RNF213: variants seen among roughly 807,000 people sequenced by gnomAD.
RNF213 encodes the protein E3 ubiquitin-protein ligase RNF213.
A neutral mutation model predicts 514.4 loss-of-function variants in RNF213; 341 were observed. The observed-to-expected ratio is 0.66, with a 90% CI of 0.61 to 0.73. The LOEUF is 0.73. RNF213 is among the 30% of genes least tolerant of loss of function. The pLI is 0.00. For synonymous variants in RNF213, 2,655 were observed against 2,658.2 expected (o/e 1.00, Z 0.04); for missense variants, 5,767 against 6,615.6 (o/e 0.87, Z 4.45).
intron 6 of RNF213, 76 bp from the exon 7 acceptor site, chr17:80,290,494 T>TGC: frequency 2.6e-6 from 4 of 1,546,478 alleles, no homozygotes. Context: ...CACGTGTGTG[T>TGC]GTGCGCGTGT....
chr17:80,364,258 AGAGC>A (rs1008336237), intron 41 of RNF213, among the ~76,000 whole-genome samples, 171 bp from the exon 42 acceptor site: 1 of 152,120 alleles, frequency 6.6e-6, no homozygotes, highest in African/African-American at 2.4e-5. Context: ...TGAGCGTCTG[AGAGC>A]GAGAGCTGGG....
intron 11 of RNF213, among the ~76,000 whole-genome samples, chr17:80,302,411 C>G (rs1449135819): frequency 6.6e-6 from 1 of 152,032 alleles, no homozygotes; most frequent in East Asian, 1.9e-4. Flanking sequence ...ATACTTTGTA[C>G]ATAGTATACA....
chr17:80,348,427 G>C, intron 29 of RNF213, 141 bp downstream of exon 29: 1 of 1,220,014 alleles, frequency 8.2e-7, no homozygotes, highest in Non-Finnish European at 1.2e-6. Context: ...CTCCTCCGCG[G>C]TAAGTGTGGG....
At chr17:80,336,610 C>T (rs905627513) in intron 23 of RNF213, 3 of 565,656 alleles carry the variant, frequency 5.3e-6, no homozygotes, top group South Asian at 3.5e-5. Context: ...GCAAAACACA[C>T]GTGGAAAAAA....
chr17:80,268,375 AAAAAGG>A (rs2043681412), intron 2 of RNF213, among the ~76,000 whole-genome samples: 2 of 140,060 alleles, frequency 1.4e-5, no homozygotes, highest in Non-Finnish European at 3.0e-5. Context: ...AAAAAAAAAA[AAAAAGG>A]CAGTACTGCA....
intron 46 of RNF213, among the ~76,000 whole-genome samples, chr17:80,370,753 C>T (rs923106087): frequency 2.6e-5 from 4 of 152,192 alleles, no homozygotes; most frequent in African/African-American, 9.7e-5. Flanking sequence ...CTGCTGTGTT[C>T]ATGGACCGCC....
At chr17:80,296,314 T>A (rs903023538) in intron 10 of RNF213, among the ~76,000 whole-genome samples, 2 of 152,172 alleles carry the variant, frequency 1.3e-5, no homozygotes, top group Non-Finnish European at 2.9e-5. Context: ...GCCACCGTGC[T>A]GGGTCTGAAT....
intron 2 of RNF213, among the ~76,000 whole-genome samples, chr17:80,266,279 A>C (rs76011856): frequency 6.4e-5 from 9 of 140,716 alleles, no homozygotes; most frequent in African/African-American, 2.4e-4. Flanking sequence ...CCATCTCTAC[A>C]AAAAAAAAAA....
chr17:80,383,619 A>G, intron 58 of RNF213, 58 bp from the exon 59 acceptor site: 1 of 1,594,074 alleles, frequency 6.3e-7, no homozygotes, highest in Non-Finnish European at 8.6e-7. Flanking sequence ...TGGGTGTTAC[A>G]ATCTGTTTGT....
Position 80,395,103 on chromosome 17 carries a change from T to C in RNF213, c.*1605T>C, listed in dbSNP as rs1450963686. On this transcript the variant is annotated 3_prime_UTR_variant, in exon 68 of 68. Transcript: ENST00000582970. The stretch of plus-strand genomic sequence containing the variant: ...TCTCTTTCTGTGAAGGCTTTTTTTT[T>C]CCTTTGGCCTGGGAATTTTTCCCAT... 2.0e-5 allele frequency: 3 copies of C among 152,172 alleles called. No homozygotes were observed. Among genetic ancestry groups the C allele is most frequent in the African/African-American group, 4.8e-5 (2 of 41,432 alleles). The allele number at this position is 152,172 out of a possible 1,614,324, so 9.4% of individuals were successfully genotyped here. A position where few individuals can be genotyped will look rare whatever the true frequency, so the allele number is the denominator to read the frequency against.
intron 17 of RNF213, chr17:80,321,021 T>C (rs1252938507): frequency 6.6e-6 from 1 of 152,224 alleles, no homozygotes; most frequent in Non-Finnish European, 1.5e-5. Flanking sequence ...ATCCATATTG[T>C]AGCTTGTGTC....
intron 64 of RNF213, 92 bp downstream of exon 64, chr17:80,388,781 G>A: frequency 2.0e-6 from 2 of 1,004,492 alleles, no homozygotes; most frequent in South Asian, 2.5e-5. Context: ...CTTGCCCCGG[G>A]TGTTTGCTGT....
intron 26 of RNF213, chr17:80,341,688 C>T (rs1157548061): frequency 6.6e-6 from 1 of 152,132 alleles, no homozygotes; most frequent in African/African-American, 2.4e-5. Context: ...TGGTGAGCTG[C>T]AAATACGACA....
chr17:80,352,808 C>T (rs572086283), intron 32 of RNF213, 132 bp from the exon 33 acceptor site: 55 of 1,412,826 alleles, frequency 3.9e-5, no homozygotes, highest in Admixed American at 2.5e-4. Flanking sequence ...TCCAGGGTTT[C>T]GGCTTCAGGG....
In RNF213 at chr17:80,376,293, C is replaced by T. The variant is rs1400870111; in HGVS notation, c.13186-8C>T. On this transcript the variant is annotated splice_region_variant and splice_polypyrimidine_tract_variant and intron_variant, in intron 51 of 67. Transcript: ENST00000582970. Reference sequence around the variant, plus strand: ...ATACATCTTAATGTTAAGTTTTTTTCCTGTCAGCAATGTGAAGCTGTGAGC... The same window carrying T: ...ATACATCTTAATGTTAAGTTTTTTTTCTGTCAGCAATGTGAAGCTGTGAGC... The T allele has an allele frequency of 3.7e-6, 6 of 1,613,952 alleles. No homozygotes were observed. The Admixed American group carries it at 6.7e-5, about 18-fold the overall frequency.
At chr17:80,273,531 C>T in intron 3 of RNF213, 127 bp downstream of exon 3, 1 of 1,237,254 alleles carries the variant, frequency 8.1e-7, no homozygotes, top group Non-Finnish European at 1.1e-6. Flanking sequence ...GCCCACAGGG[C>T]AGCAGCAGAG....
In RNF213 at chr17:80,325,181, A is replaced by T. The variant is rs2046246968; in HGVS notation, c.3176A>T (p.His1059Leu). 6.5e-7 allele frequency: 1 copy of T among 1,534,718 alleles called. No individual in the cohort carries two copies. ...CTGCTCACGTTGGCAGATGTCAAGC[A>T]CGTCTTCAGATTGTGTGGTATGTTT... is the stretch of plus-strand genomic sequence containing the variant. ...KHLLTLADVK[H>L]VFRLCGTDEK... The change falls in exon 18 of 68, where the codon CAC becomes CTC. Residue 1059 changes from histidine (H) to leucine (L), a missense_variant. By Grantham distance (99) the His-to-Leu change is moderately conservative. Transcript: ENST00000582970.
At chr17:80,275,760 T>G (rs2044028647) in intron 3 of RNF213, among the ~76,000 whole-genome samples, 1 of 152,114 alleles carries the variant, frequency 6.6e-6, no homozygotes, top group African/African-American at 2.4e-5. Context: ...CCTCCCAGGT[T>G]CAAGTGATTG....
Position 80,291,790 on chromosome 17 carries a change from C to G in RNF213, c.1434C>G (p.Arg478=), listed in dbSNP as rs775651529. ...AGAAGAAGGGCGAGTACGTCAACCG[C>G]TGTCTGTTCATAAAATCTTCACTTC... ...HQQKKGEYVN[R]CLFIKSSLLG... The change falls in exon 8 of 68, where the codon CGC becomes CGG. Residue 478 remains arginine, a synonymous_variant. Coordinates refer to ENST00000582970, the MANE Select transcript of RNF213 (RefSeq NM_001256071.3). The G allele has an allele frequency of 2.5e-6, 4 of 1,614,236 alleles. No homozygotes were observed. The highest frequency in any genetic ancestry group is 3.4e-6 in the Non-Finnish European group (4 of 1,180,048).
Sources: allele counts gnomAD v4.1 joint callset (sites outside exome capture counted in the v4.1 genomes callset), GRCh38; gene constraint gnomAD v4.1.1; transcripts MANE v1.5; gene names NCBI Gene and HGNC (gene_info 2026-07-23, HGNC 2026-07-21).